Variants in ARMC9 observed in about 807,000 individuals in gnomAD.
ARMC9 encodes lisH domain-containing protein ARMC9.
A neutral mutation model predicts 107.0 loss-of-function variants in ARMC9; 94 were observed. The ratio of observed to expected loss-of-function variants is 0.88; its 90% confidence interval spans 0.74 to 1.04. The LOEUF (loss-of-function observed/expected upper bound fraction) is 1.04, where lower values mean the gene tolerates loss of function less well. Among genes scored for constraint, ARMC9 ranks in the 50% least tolerant of loss-of-function variants. The pLI is 0.00. For missense variants in ARMC9, 942 were observed against 1,030.1 expected (o/e 0.91, Z 1.17); for synonymous variants, 380 against 396.9 (o/e 0.96, Z 0.51).
At chr2:231,361,066 C>A (rs1437329774) in intron 23 of ARMC9, among the ~76,000 whole-genome samples, 183 bp downstream of exon 23, 1 of 152,218 alleles carries the variant, frequency 6.6e-6, no homozygotes, top group Non-Finnish European at 1.5e-5. Flanking sequence ...CTGACCACCT[C>A]GGAGGGCTGT....
chr2:231,280,418 G>A (rs1034961282), intron 16 of ARMC9, among the ~76,000 whole-genome samples: 5 of 151,878 alleles, frequency 3.3e-5, no homozygotes, highest in African/African-American at 9.7e-5. Flanking sequence ...AGATTGTGCC[G>A]TTGCACTCCA....
chr2:231,223,921 T>C (rs2034397604), intron 6 of ARMC9, among the ~76,000 whole-genome samples: 1 of 152,200 alleles, frequency 6.6e-6, no homozygotes, highest in African/African-American at 2.4e-5. Flanking sequence ...TCAGTGAAAC[T>C]AGAACTTTTC....
chr2:231,235,527 G>T (rs1269908005), intron 8 of ARMC9, 146 bp downstream of exon 8: 10 of 902,246 alleles, frequency 1.1e-5, no homozygotes, highest in Non-Finnish European at 1.6e-5. Flanking sequence ...AAGCCAACAT[G>T]CATGAAGGAG....
At chr2:231,279,532 A>T in intron 16 of ARMC9, among the ~76,000 whole-genome samples, 1 of 125,548 alleles carries the variant, frequency 8.0e-6, no homozygotes, top group South Asian at 2.5e-4. Flanking sequence ...TTTTTTTGAG[A>T]CAGAGTCTCA....
intron 5 of ARMC9, among the ~76,000 whole-genome samples, chr2:231,221,886 T>A (rs1216050608): frequency 3.6e-5 from 4 of 110,082 alleles, no homozygotes; most frequent in South Asian, 2.9e-4. Context: ...TTTCTAGAAA[T>A]CAGATGACAT....
intron 22 of ARMC9, among the ~76,000 whole-genome samples, chr2:231,359,497 C>T (rs2045480502): frequency 6.6e-6 from 1 of 152,092 alleles, no homozygotes; most frequent in African/African-American, 2.4e-5. Flanking sequence ...GGTCTTGGGA[C>T]ACTCCAGCTC....
chr2:231,222,241 T>C (rs1197197690), intron 5 of ARMC9, among the ~76,000 whole-genome samples: 1 of 152,216 alleles, frequency 6.6e-6, no homozygotes. Context: ...TATATCATAA[T>C]TCTTGACATG....
At chr2:231,262,786 A>C (rs1290974428) in intron 12 of ARMC9, among the ~76,000 whole-genome samples, 1 of 152,118 alleles carries the variant, frequency 6.6e-6, no homozygotes, top group African/African-American at 2.4e-5. Flanking sequence ...CTTTACTTAT[A>C]GTTTTGGGCC....
intron 9 of ARMC9, among the ~76,000 whole-genome samples, chr2:231,244,120 A>T (rs1189602536): frequency 6.6e-6 from 1 of 152,148 alleles, no homozygotes; most frequent in Non-Finnish European, 1.5e-5. Flanking sequence ...GGGCCCTTTC[A>T]CAAAACCGTT....
rs1053444128 is a variant in ARMC9, at chr2:231,360,330, C to A, written c.2132-424C>A. 6.6e-6 allele frequency among the ~76,000 whole-genome samples: 1 copy of A among 151,822 alleles called. No individual in the cohort carries two copies. Among genetic ancestry groups the A allele is most frequent in the Non-Finnish European group, 1.5e-5 (1 of 68,028 alleles). ...GGGCTGCTCGGTGAGGAGCACCCTA[C>A]CTCTCAGGTTGTTGGTTTTAGCAAA... is the stretch of plus-strand genomic sequence containing the variant. On this transcript the variant is annotated intron_variant, in intron 22 of 24. Transcript: ENST00000611582. This position sits in a 1 kb window ranked among gnomAD's most constrained non-coding sequence, Gnocchi z 4.7.
rs1022343502 is a variant in ARMC9 at position 231,329,778 on chromosome 2, C to T, written c.1774-2015C>T. On this transcript the variant is annotated intron_variant, in intron 19 of 24. Transcript: ENST00000611582. Reference sequence around the variant, plus strand: ...ACAGAAATTGATTTTATATGTCTTTCTTATATCCTGTGAGCTTTTTGAATT... The same window carrying T: ...ACAGAAATTGATTTTATATGTCTTTTTTATATCCTGTGAGCTTTTTGAATT... Among the ~76,000 whole-genome samples, 4 of 152,134 alleles carry T rather than the reference C, an allele frequency of 2.6e-5. No homozygotes were observed. The South Asian group carries it at 8.3e-4, about 32-fold the overall frequency.
intron 8 of ARMC9, among the ~76,000 whole-genome samples, chr2:231,236,891 C>T (rs2035763256): frequency 6.6e-6 from 1 of 152,134 alleles, no homozygotes; most frequent in African/African-American, 2.4e-5. Flanking sequence ...TTGCAGTGAG[C>T]CAAGATTGTA....
intron 23 of ARMC9, among the ~76,000 whole-genome samples, chr2:231,364,397 C>T (rs1575191667): frequency 6.6e-6 from 1 of 152,224 alleles, no homozygotes; most frequent in East Asian, 1.9e-4. Flanking sequence ...TTTGCAAGTG[C>T]TGTGACTTTT....
intron 6 of ARMC9, 113 bp from the exon 7 acceptor site, chr2:231,226,661 G>T: frequency 7.6e-7 from 1 of 1,312,866 alleles, no homozygotes; most frequent in South Asian, 1.2e-5. Flanking sequence ...TCCCGGCTCC[G>T]AGAATTCTGT....
At chr2:231,305,370 C>T (rs893371879) in intron 19 of ARMC9, among the ~76,000 whole-genome samples, 2 of 152,144 alleles carry the variant, frequency 1.3e-5, no homozygotes, top group Admixed American at 6.5e-5. Flanking sequence ...GTAAAGCATC[C>T]AACACTTTAA....
chr2:231,199,909 G>A (rs1358992239), intron 1 of ARMC9, among the ~76,000 whole-genome samples: 1 of 152,052 alleles, frequency 6.6e-6, no homozygotes, highest in East Asian at 1.9e-4. Context: ...TGTTGATCAG[G>A]CTGGTCTCGA....
intron 9 of ARMC9, among the ~76,000 whole-genome samples, chr2:231,244,655 C>A (rs538218690): frequency 1.3e-3 from 201 of 152,310 alleles, no homozygotes; most frequent in African/African-American, 4.4e-3. Context: ...CAGGTGTGAG[C>A]CACCACACCT....
chr2:231,257,751 C>T (rs1379043625), intron 10 of ARMC9, among the ~76,000 whole-genome samples: 1 of 152,078 alleles, frequency 6.6e-6, no homozygotes, highest in African/African-American at 2.4e-5. Context: ...AATACGTATA[C>T]AACACTTAGC....
chr2:231,337,371 C>T (rs2044187520), intron 20 of ARMC9, among the ~76,000 whole-genome samples: 1 of 133,908 alleles, frequency 7.5e-6, no homozygotes, highest in African/African-American at 2.8e-5. Context: ...AATCTTGGCT[C>T]ATTGCAGCCT....
Sources: allele counts gnomAD v4.1 joint callset (sites outside exome capture counted in the v4.1 genomes callset), GRCh38; gene constraint gnomAD v4.1.1; non-coding constraint Gnocchi (gnomAD v3.1); transcripts MANE v1.5; gene names NCBI Gene and HGNC (gene_info 2026-07-23, HGNC 2026-07-21).